CAND2: variants seen among roughly 807,000 people sequenced by gnomAD.
CAND2 encodes cullin-associated NEDD8-dissociated protein 2.
A neutral mutation model predicts 98.9 loss-of-function variants in CAND2; 62 were observed. The observed-to-expected ratio is 0.63, with a 90% CI of 0.51 to 0.77. The LOEUF (loss-of-function observed/expected upper bound fraction) is 0.77. CAND2 is among the 30% of genes least tolerant of loss of function. CAND2 has a pLI of 0.00. For missense variants in CAND2, 1,501 were observed against 1,655.2 expected, an observed-to-expected ratio of 0.91 and a Z score of 1.62; for synonymous variants, 770 against 731.9, an observed-to-expected ratio of 1.05 and a Z score of -0.84.
At chr3:12,820,295 G>A in intron 11 of CAND2, 114 bp downstream of exon 11, 1 of 722,720 alleles carries the variant, frequency 1.4e-6, no homozygotes, top group Non-Finnish European at 2.3e-6. Context: ...CGGGAGGTGT[G>A]CCCATGATGG....
rs1373393361 is a variant in CAND2 at position 12,796,928 on chromosome 3, C to A, written c.68+140C>A. On this transcript the variant is annotated intron_variant, in intron 1 of 14. Coordinates refer to ENST00000456430, the MANE Select transcript of CAND2 (RefSeq NM_001162499.2). Reference sequence around the variant, plus strand: ...TCTTCTCCCTGCATTAAGCTGCCCCCCTCCCCACAGGCCCACTCCTGCCTC... The same window carrying A: ...TCTTCTCCCTGCATTAAGCTGCCCCACTCCCCACAGGCCCACTCCTGCCTC... 1.8e-5 allele frequency: 13 copies of A among 739,370 alleles called. No individual in the cohort carries two copies. The East Asian group carries it at 3.2e-4, about 18-fold the overall frequency. The allele number at this position is 739,370 out of a possible 1,614,324, so 45.8% of individuals were successfully genotyped here. A position where few individuals can be genotyped will look rare whatever the true frequency, so the allele number is the denominator to read the frequency against.
intron 2 of CAND2, among the ~76,000 whole-genome samples, chr3:12,805,136 G>A (rs2061796476): frequency 6.6e-6 from 1 of 152,192 alleles, no homozygotes; most frequent in Non-Finnish European, 1.5e-5. Context: ...ATGCGTGCTT[G>A]GGCACTGTGA....
intron 5 of CAND2, among the ~76,000 whole-genome samples, chr3:12,811,645 C>T (rs960634232): frequency 3.3e-5 from 5 of 152,140 alleles, no homozygotes; most frequent in African/African-American, 1.2e-4. Context: ...AGTCTCGGCT[C>T]ACCGCAACCT....
chr3:12,816,916 CG>C lies in CAND2; in HGVS notation c.1986del (p.Lys663ArgfsTer59), dbSNP rs1311684842. On this transcript the variant is annotated frameshift_variant, in exon 10 of 15. Coordinates refer to ENST00000456430, the MANE Select transcript of CAND2 (RefSeq NM_001162499.2). LOFTEE classifies it high-confidence loss of function. ...EALHILASFLRKNQRALRLAT... is the reference protein window; with the variant it reads ...EALHILASFLXKNQRALRLAT... ...ACTGCACATTCTGGCCTCATTCCTGCGGAAGAACCAGCGGGCTTTGCGACTG... is the reference window on the plus strand; with the variant it reads ...ACTGCACATTCTGGCCTCATTCCTGCGAAGAACCAGCGGGCTTTGCGACTG... The C allele has an allele frequency of 6.8e-6, 11 of 1,613,834 alleles. No homozygotes were observed. Among genetic ancestry groups the C allele is most frequent in the Non-Finnish European group, 9.3e-6 (11 of 1,180,020 alleles).
chr3:12,815,486 C>T lies in CAND2; in HGVS notation c.1299+53C>T. 5.9e-6 allele frequency: 9 copies of T among 1,519,120 alleles called. No homozygotes were observed. The highest frequency in any genetic ancestry group is 8.1e-6 in the Non-Finnish European group (9 of 1,111,982). 94.1% of individuals were successfully genotyped at this position (1,519,120 alleles called of 1,614,324 possible). On this transcript the variant is annotated intron_variant, in intron 8 of 14. Transcript: ENST00000456430. The surrounding 1 kb of genome is among the most constrained non-coding windows in gnomAD (Gnocchi z 5.7). ...CCCCCGATTTGCCTACCCAGCCACT[C>T]ACTGTTAGTGTCCCTGGACTTGGAA...
chr3:12,817,035 C>T lies in CAND2; in HGVS notation c.2103C>T (p.Ala701=), dbSNP rs1268777693. ...AVQAVLAELP[A]LVNESDMHVA... ...AGGCCGTGCTGGCTGAGCTGCCTGCCCTGGTCAACGAGAGCGACATGCATG... is the reference window on the plus strand; with the variant it reads ...AGGCCGTGCTGGCTGAGCTGCCTGCTCTGGTCAACGAGAGCGACATGCATG... Residue 701 remains alanine (A), a synonymous_variant, in exon 10 of 15, where the codon GCC becomes GCT. Transcript: ENST00000456430. The T allele has an allele frequency of 1.9e-6, 3 of 1,613,084 alleles. No homozygotes were observed. Among genetic ancestry groups the T allele is most frequent in the Non-Finnish European group, 2.5e-6 (3 of 1,179,954 alleles).
At chr3:12,819,009 A>G (rs2061932939) in intron 10 of CAND2, among the ~76,000 whole-genome samples, 1 of 152,220 alleles carries the variant, frequency 6.6e-6, no homozygotes, top group Non-Finnish European at 1.5e-5. Context: ...ACTGCTGGGA[A>G]GCTTAGAGCC....
chr3:12,827,085 C>T (rs1182721932), intron 12 of CAND2, among the ~76,000 whole-genome samples: 2 of 152,180 alleles, frequency 1.3e-5, no homozygotes, highest in Admixed American at 1.3e-4. Flanking sequence ...CCCGCCTTGG[C>T]CTCCCAAAGT....
chr3:12,811,123 G>GT (rs983430458), intron 5 of CAND2, among the ~76,000 whole-genome samples: 1 of 143,796 alleles, frequency 7.0e-6, no homozygotes, highest in African/African-American at 2.9e-5. Flanking sequence ...ACGGCGGGGG[G>GT]TGGGGGGGGG....
At chr3:12,812,390 ATTTTTTTTTTTT>A (rs35620069) in intron 5 of CAND2, among the ~76,000 whole-genome samples, 2 of 66,730 alleles carry the variant, frequency 3.0e-5, no homozygotes, top group East Asian at 3.3e-4. Flanking sequence ...TGCCCGGCTA[ATTTTTTTTTTTT>A]TTTTTTTTTT....
chr3:12,821,182 G>A (rs962507748), intron 11 of CAND2, among the ~76,000 whole-genome samples: 9 of 151,730 alleles, frequency 5.9e-5, no homozygotes, highest in Admixed American at 4.6e-4. Flanking sequence ...TGCAGTGAGC[G>A]GAGATTGCAC....
At chr3:12,807,657 T>G (rs2061818298) in intron 3 of CAND2, among the ~76,000 whole-genome samples, 197 bp downstream of exon 3, 1 of 152,242 alleles carries the variant, frequency 6.6e-6, no homozygotes, top group Non-Finnish European at 1.5e-5. Flanking sequence ...GGAATGCTTT[T>G]AGCTCAAGTG....
At chr3:12,820,301 G>C in intron 11 of CAND2, 120 bp downstream of exon 11, 5 of 690,244 alleles carry the variant, frequency 7.2e-6, no homozygotes, top group Non-Finnish European at 9.6e-6. Context: ...GTGTGCCCAT[G>C]ATGGGCAGCA....
chr3:12,803,951 GAC>G, intron 2 of CAND2, among the ~76,000 whole-genome samples: 1 of 152,118 alleles, frequency 6.6e-6, no homozygotes, highest in Non-Finnish European at 1.5e-5. Flanking sequence ...GGACCTCTGG[GAC>G]ACAGTATAGG....
rs557225340 is a variant in CAND2, at chr3:12,796,694, C to G, written c.-27C>G. ...CCCGCGCCGCCATATTCCCTCCCGC[C>G]GGCCGGCTCCGCGGCGCGCAGCCAC... On this transcript the variant is annotated 5_prime_UTR_variant, in exon 1 of 15. Transcript: ENST00000456430. The G allele has an allele frequency of 3.2e-6, 5 of 1,560,694 alleles. No individual in the cohort carries two copies. In the East Asian group the frequency reaches 1.2e-4, roughly 37 times the overall value.
At chr3:12,810,445 C>G (rs1559550401) in intron 5 of CAND2, 121 bp downstream of exon 5, 1 of 755,070 alleles carries the variant, frequency 1.3e-6, no homozygotes, top group Non-Finnish European at 1.7e-6. Context: ...GGTGGGCCGT[C>G]TGCCTTGGTA....
At chr3:12,812,639 C>T (rs1451214294) in intron 5 of CAND2, among the ~76,000 whole-genome samples, 1 of 151,784 alleles carries the variant, frequency 6.6e-6, no homozygotes, top group Non-Finnish European at 1.5e-5. Flanking sequence ...CTCCTGACCT[C>T]ATGATCCACC....
chr3:12,812,498 G>A (rs1424779669), intron 5 of CAND2, among the ~76,000 whole-genome samples: 2 of 134,640 alleles, frequency 1.5e-5, no homozygotes, highest in African/African-American at 2.8e-5. Flanking sequence ...TCCGCTTCCC[G>A]GGTTCACGCC....
chr3:12,801,458 C>A (rs529058997), intron 1 of CAND2, among the ~76,000 whole-genome samples: 5 of 152,344 alleles, frequency 3.3e-5, no homozygotes, highest in African/African-American at 1.2e-4. Flanking sequence ...ACCTCTGCTC[C>A]TACCCTCTTA....
Sources: gnomAD v4.1 joint callset for allele counts (sites outside exome capture counted in the v4.1 genomes callset) on GRCh38, gnomAD v4.1.1 for gene constraint, Gnocchi (gnomAD v3.1) non-coding constraint, MANE v1.5 for transcripts, NCBI Gene and HGNC (gene_info 2026-07-23, HGNC 2026-07-21) for gene names.